Variants in RTKN2 observed in about 807,000 individuals in gnomAD.
RTKN2 encodes rhotekin-2.
RTKN2 carries 69 observed loss-of-function variants against 71.5 expected under a neutral mutation model. That is an observed-to-expected ratio of 0.96 (90% CI 0.79 to 1.18). The LOEUF (loss-of-function observed/expected upper bound fraction) is 1.18, where lower values mean the gene tolerates loss of function less well. RTKN2 is among the 50% of genes most tolerant of loss of function. The pLI is 0.00. For synonymous variants in RTKN2, 236 were observed against 236.5 expected, an observed-to-expected ratio of 1.00 and a Z score of 0.02; for missense variants, 724 against 719.7, an observed-to-expected ratio of 1.01 and a Z score of -0.07.
chr10:62,216,304 A>G (rs1326726349), intron 9 of RTKN2, among the ~76,000 whole-genome samples: 1 of 152,074 alleles, frequency 6.6e-6, no homozygotes, highest in Non-Finnish European at 1.5e-5. Context: ...ACCAAAGACA[A>G]GCAAAGTAGA....
chr10:62,244,068 G>A (rs1462111369), intron 3 of RTKN2, among the ~76,000 whole-genome samples: 1 of 152,124 alleles, frequency 6.6e-6, no homozygotes, highest in Non-Finnish European at 1.5e-5. Context: ...GCTGGAAACA[G>A]AAAACCCAGG....
intron 6 of RTKN2, among the ~76,000 whole-genome samples, chr10:62,229,493 A>T (rs1329645096): frequency 6.6e-6 from 1 of 152,230 alleles, no homozygotes; most frequent in Non-Finnish European, 1.5e-5. Flanking sequence ...CTGAAATGGT[A>T]GGATACAGAA....
rs1350874125 is a variant in RTKN2 at position 62,265,188 on chromosome 10, T to A, written c.61-2367A>T. 2.0e-5 allele frequency among the ~76,000 whole-genome samples: 3 copies of A among 152,174 alleles called. No homozygotes were observed. The East Asian group carries it at 5.8e-4, about 29-fold the overall frequency. On this transcript the variant is annotated intron_variant, in intron 1 of 11. Transcript: ENST00000373789. ...AAGGAAATGAGGTGTATCTAACAGA[T>A]ACTACTATTAAGATTTTTTCCTTTA...
rs868155872 is a variant in RTKN2, at chr10:62,214,947, A to G, written c.1020+2171T>C. ...TTTCCTTACTAGTTTGGAAAGTTCT[A>G]TCTGATCTCTGAGACTATTTCTTCA... On this transcript the variant is annotated intron_variant, in intron 9 of 11. Coordinates refer to ENST00000373789, the MANE Select transcript of RTKN2 (RefSeq NM_145307.4). 18 of 628,636 alleles carry G rather than the reference A, an allele frequency of 2.9e-5. No individual in the cohort carries two copies. The Middle Eastern group carries it at 1.3e-3, about 46-fold the overall frequency. The allele number at this position is 628,636 out of a possible 1,614,324, so 38.9% of individuals were successfully genotyped here.
In RTKN2 at chr10:62,236,006, T is replaced by C; in HGVS notation, c.686+60A>G. The stretch of plus-strand genomic sequence containing the variant: ...AAGTAAACATACACTTCACATATAA[T>C]ACTTTAAAATATCACAAATGTATAA... On this transcript the variant is annotated intron_variant, in intron 6 of 11. Transcript: ENST00000373789. The C allele has an allele frequency of 2.5e-6, 3 of 1,202,210 alleles. No individual in the cohort carries two copies. In the South Asian group the frequency reaches 4.0e-5, roughly 16 times the overall value. 74.5% of individuals were successfully genotyped at this position (1,202,210 alleles called of 1,614,324 possible).
At chr10:62,236,459 G>C (rs1016453251) in intron 5 of RTKN2, among the ~76,000 whole-genome samples, 196 bp from the exon 6 acceptor site, 4 of 152,010 alleles carry the variant, frequency 2.6e-5, no homozygotes. Context: ...TTGTTGACGA[G>C]GGTATGGAGA....
Position 62,203,148 on chromosome 10 carries a change from G to A in RTKN2, c.1186+1709C>T, listed in dbSNP as rs182718804. Among the ~76,000 whole-genome samples the A allele has an allele frequency of 3.2e-3, 484 of 151,846 alleles. 1 individual carries two copies. Among genetic ancestry groups the A allele is most frequent in the Non-Finnish European group, 5.1e-3 (346 of 67,898 alleles). ...GCACTCCAGCCTGGGCAAGAAGAGC[G>A]AAACTCCATCTCAAAAAATAAAAAT... On this transcript the variant is annotated intron_variant, in intron 10 of 11. Transcript: ENST00000373789.
intron 2 of RTKN2, among the ~76,000 whole-genome samples, chr10:62,256,348 A>G (rs1397677763): frequency 6.6e-6 from 1 of 152,130 alleles, no homozygotes; most frequent in African/African-American, 2.4e-5. Flanking sequence ...ATAAATGACA[A>G]GGGGTTTTTA....
At chr10:62,204,378 T>A (rs779239298) in intron 10 of RTKN2, among the ~76,000 whole-genome samples, 14 of 152,170 alleles carry the variant, frequency 9.2e-5, no homozygotes, top group Admixed American at 9.2e-4. Flanking sequence ...GAAAATCCTA[T>A]GTGTGTGGTT....
At chr10:62,255,783 C>T (rs546960619) in intron 2 of RTKN2, among the ~76,000 whole-genome samples, 1 of 152,278 alleles carries the variant, frequency 6.6e-6, no homozygotes, top group South Asian at 2.1e-4. Context: ...AGGGTTTAAA[C>T]TCAGCATTAC....
At chr10:62,190,259 C>A (rs1034699471), downstream of RTKN2, among the ~76,000 whole-genome samples, 1 of 152,070 alleles carries the variant, frequency 6.6e-6, no homozygotes, top group Admixed American at 6.5e-5. Flanking sequence ...TGCTTTTTTG[C>A]TATTTCACGT....
At chr10:62,236,033 T>C (rs766593706) in intron 6 of RTKN2, 33 bp downstream of exon 6, 5 of 1,374,982 alleles carry the variant, frequency 3.6e-6, no homozygotes, top group Non-Finnish European at 2.1e-6. Flanking sequence ...AATGTATAAT[T>C]ATGTCACCAT....
chr10:62,245,288 T>C (rs1002806599), intron 3 of RTKN2, among the ~76,000 whole-genome samples: 3 of 152,096 alleles, frequency 2.0e-5, no homozygotes, highest in Admixed American at 6.6e-5. Context: ...AGAGATTATA[T>C]TATATATAGA....
chr10:62,191,256 C>T (rs1179621161), downstream of RTKN2, among the ~76,000 whole-genome samples: 2 of 152,184 alleles, frequency 1.3e-5, no homozygotes, highest in Non-Finnish European at 2.9e-5. Context: ...CCCACCTCAG[C>T]TTCCCAAGTA....
chr10:62,251,263 A>ACAGTATAT (rs2133057997), intron 2 of RTKN2, among the ~76,000 whole-genome samples: 1 of 152,320 alleles, frequency 6.6e-6, no homozygotes, highest in East Asian at 1.9e-4. Flanking sequence ...AGCTTTTATT[A>ACAGTATAT]CAGTATATTG....
At chr10:62,214,440 T>A (rs1355334103) in intron 9 of RTKN2, among the ~76,000 whole-genome samples, 1 of 152,160 alleles carries the variant, frequency 6.6e-6, no homozygotes, top group Admixed American at 6.5e-5. Context: ...GCAAGTCTGC[T>A]GACTTCAGTC....
At position 62,197,097 on chromosome 10, in the gene RTKN2, A is replaced by G. The variant is rs1007393886; in HGVS notation, c.*811T>C. ...TTTGAATCTCTCATCTTCTTTTTAA[A>G]TAAGTATTAAATGAATTTTAAGGTG... On this transcript the variant is annotated 3_prime_UTR_variant, in exon 12 of 12. Coordinates refer to ENST00000373789, the MANE Select transcript of RTKN2 (RefSeq NM_145307.4). 5 of 980,676 alleles carry G rather than the reference A, an allele frequency of 5.1e-6. No individual in the cohort carries two copies. The highest frequency in any genetic ancestry group is 6.2e-5 in the Admixed American group (1 of 16,246). The allele number at this position is 980,676 out of a possible 1,614,324, so 60.7% of individuals were successfully genotyped here.
chr10:62,209,060 G>A (rs1368785507), intron 9 of RTKN2, among the ~76,000 whole-genome samples: 5 of 152,044 alleles, frequency 3.3e-5, no homozygotes, highest in Admixed American at 6.6e-5. Context: ...ACTTGAGGTC[G>A]GGAGTTCGAG....
At chr10:62,264,128 T>C (rs1842827007) in intron 1 of RTKN2, among the ~76,000 whole-genome samples, 1 of 152,092 alleles carries the variant, frequency 6.6e-6, no homozygotes, top group African/African-American at 2.4e-5. Flanking sequence ...AATTTAAAAA[T>C]GTAAATGAAA....
Sources: allele counts gnomAD v4.1 joint callset (sites outside exome capture counted in the v4.1 genomes callset), GRCh38; gene constraint gnomAD v4.1.1; transcripts MANE v1.5; gene names NCBI Gene and HGNC (gene_info 2026-07-23, HGNC 2026-07-21).